GRID2: variants seen among roughly 807,000 people sequenced by gnomAD.
GRID2 encodes glutamate ionotropic receptor delta type subunit 2.
A neutral mutation model predicts 114.8 loss-of-function variants in GRID2; 33 were observed. The ratio of observed to expected loss-of-function variants is 0.29; its 90% CI spans 0.22 to 0.38. GRID2 has a LOEUF of 0.38. Among genes scored for constraint, GRID2 ranks in the 10% least tolerant of loss-of-function variants. The pLI, the probability that GRID2 is intolerant of heterozygous loss-of-function variation, is 1.00. For missense variants in GRID2, 1,184 were observed against 1,257.7 expected (o/e 0.94, Z 0.89); for synonymous variants, 505 against 449.9 (o/e 1.12, Z -1.55).
chr4:92,749,310 C>CTATTTTTT (rs1295067924), intron 2 of GRID2, among the ~76,000 whole-genome samples: 1,074 of 72,062 alleles, frequency 0.015, 17 homozygotes, highest in East Asian at 0.07. Flanking sequence ...TGATTTGTAG[C>CTATTTTTT]TTTTTTTTTT....
At chr4:93,339,144 A>G (rs1033037565) in intron 8 of GRID2, among the ~76,000 whole-genome samples, 2 of 152,158 alleles carry the variant, frequency 1.3e-5, no homozygotes, top group Non-Finnish European at 2.9e-5. Context: ...TAACAAGACC[A>G]CTAATGCCAA....
At chr4:92,750,884 T>G (rs1329882911) in intron 2 of GRID2, among the ~76,000 whole-genome samples, 1 of 152,164 alleles carries the variant, frequency 6.6e-6, no homozygotes, top group South Asian at 2.1e-4. Flanking sequence ...ATTTTAGAGA[T>G]AAGTAATTTT....
intron 2 of GRID2, among the ~76,000 whole-genome samples, chr4:92,705,027 T>C (rs1007144425): frequency 1.3e-4 from 19 of 151,690 alleles, no homozygotes; most frequent in African/African-American, 4.6e-4. Context: ...CTTTAATATT[T>C]CCTCTTTTTT....
chr4:93,692,703 C>G (rs1263403999), intron 14 of GRID2, among the ~76,000 whole-genome samples: 1 of 152,132 alleles, frequency 6.6e-6, no homozygotes, highest in Non-Finnish European at 1.5e-5. Flanking sequence ...TCCTTTCCTA[C>G]TACATTTAAA....
At chr4:93,130,423 T>TC (rs1734693027) in intron 4 of GRID2, among the ~76,000 whole-genome samples, 1 of 152,036 alleles carries the variant, frequency 6.6e-6, no homozygotes, top group Non-Finnish European at 1.5e-5. Flanking sequence ...CAGCCTGGAG[T>TC]ACAGAGCAAA....
chr4:92,818,637 C>T (rs528751184), intron 2 of GRID2, among the ~76,000 whole-genome samples: 1 of 152,058 alleles, frequency 6.6e-6, no homozygotes, highest in Non-Finnish European at 1.5e-5. Context: ...TCAGAAGAAC[C>T]TTTCTTATAT....
At chr4:92,858,619 G>A (rs1336890611) in intron 2 of GRID2, among the ~76,000 whole-genome samples, 3 of 152,044 alleles carry the variant, frequency 2.0e-5, no homozygotes, top group African/African-American at 7.2e-5. Context: ...GTGCAGTGGT[G>A]CGATCTCACC....
intron 2 of GRID2, among the ~76,000 whole-genome samples, chr4:93,057,416 T>C (rs1447376131): frequency 6.6e-6 from 1 of 151,902 alleles, no homozygotes; most frequent in East Asian, 1.9e-4. Flanking sequence ...GGTTCCAGAA[T>C]TCTTTGAATT....
At chr4:92,567,138 G>A (rs1211748520) in intron 1 of GRID2, among the ~76,000 whole-genome samples, 1 of 151,978 alleles carries the variant, frequency 6.6e-6, no homozygotes, top group East Asian at 1.9e-4. Flanking sequence ...ATTAGTTTAT[G>A]TATGAAATAA....
At chr4:93,061,284 G>A (rs1001651769) in intron 2 of GRID2, among the ~76,000 whole-genome samples, 37 of 150,544 alleles carry the variant, frequency 2.5e-4, no homozygotes, top group African/African-American at 8.5e-4. Flanking sequence ...GAGTGGGCTG[G>A]GATTTTTCTG....
chr4:93,428,226 T>C (rs1769039774), intron 10 of GRID2, among the ~76,000 whole-genome samples: 1 of 152,106 alleles, frequency 6.6e-6, no homozygotes, highest in Admixed American at 6.5e-5. Flanking sequence ...CATTTTGAAA[T>C]AGAAACTAAA....
chr4:92,577,767 A>G (rs1560468121), intron 1 of GRID2, among the ~76,000 whole-genome samples: 1 of 152,172 alleles, frequency 6.6e-6, no homozygotes, highest in Non-Finnish European at 1.5e-5. Context: ...AAATGGAATT[A>G]CCATGGAATT....
intron 9 of GRID2, among the ~76,000 whole-genome samples, chr4:93,397,407 G>A (rs371931160): frequency 7.1e-6 from 1 of 141,128 alleles, no homozygotes; most frequent in Non-Finnish European, 1.6e-5. Context: ...CTTTCCTCCA[G>A]TGATTAGCAT....
chr4:92,636,135 G>A (rs1382792120), intron 2 of GRID2, among the ~76,000 whole-genome samples: 1 of 151,946 alleles, frequency 6.6e-6, no homozygotes, highest in Non-Finnish European at 1.5e-5. Context: ...TGATTTTACT[G>A]TTAGAACCCT....
intron 13 of GRID2, among the ~76,000 whole-genome samples, chr4:93,614,741 C>T (rs576634760): frequency 2.6e-5 from 4 of 152,152 alleles, no homozygotes; most frequent in African/African-American, 7.2e-5. Context: ...TAACTCTTTG[C>T]TGACACCGTG....
intron 12 of GRID2, among the ~76,000 whole-genome samples, chr4:93,502,962 T>C (rs1000183820): frequency 2.0e-5 from 3 of 152,050 alleles, no homozygotes; most frequent in Non-Finnish European, 4.4e-5. Flanking sequence ...GTCTTGGGAG[T>C]GTGGAGCACA....
At chr4:92,403,529 C>G (rs1422469697) in intron 1 of GRID2, among the ~76,000 whole-genome samples, 2 of 151,678 alleles carry the variant, frequency 1.3e-5, no homozygotes, top group Non-Finnish European at 2.9e-5. Flanking sequence ...AACCCCATCT[C>G]TACTAAAAAT....
intron 9 of GRID2, among the ~76,000 whole-genome samples, chr4:93,396,102 G>A (rs1579943061): frequency 1.3e-5 from 2 of 151,814 alleles, no homozygotes; most frequent in East Asian, 3.9e-4. Flanking sequence ...TGGTAGATTT[G>A]GTAAAATGTA....
chr4:93,394,467 TG>T (rs1403552448), intron 8 of GRID2, among the ~76,000 whole-genome samples: 1 of 151,924 alleles, frequency 6.6e-6, no homozygotes, highest in Non-Finnish European at 1.5e-5. Flanking sequence ...AAGGGAAACT[TG>T]GGTTTTAATA....
Sources: allele counts gnomAD v4.1 joint callset (sites outside exome capture counted in the v4.1 genomes callset), GRCh38; gene constraint gnomAD v4.1.1; transcripts MANE v1.5; gene names NCBI Gene and HGNC (gene_info 2026-07-23, HGNC 2026-07-21).